The following ZC3H11A variants were observed in gnomAD, a reference collection of about 807,000 sequenced individuals.
ZC3H11A encodes zinc finger CCCH-type containing 11A, also known as zinc finger CCCH domain-containing protein 11A.
In ZC3H11A, 22 loss-of-function variants were observed where a neutral mutation model predicts 90.8. The ratio of observed to expected loss-of-function variants is 0.24; its 90% CI spans 0.17 to 0.35. The LOEUF is 0.35. Among genes scored for constraint, ZC3H11A ranks in the 10% least tolerant of loss-of-function variants. The pLI, the probability that ZC3H11A is intolerant of heterozygous loss-of-function variation, is 1.00. For synonymous variants in ZC3H11A, 294 were observed against 339.8 expected (o/e 0.87, Z 1.48); for missense variants, 701 against 964.9 (o/e 0.73, Z 3.62).
chr1:203,842,164 C>T (rs1686547956), intron 12 of ZC3H11A, among the ~76,000 whole-genome samples: 1 of 151,536 alleles, frequency 6.6e-6, no homozygotes, highest in African/African-American at 2.4e-5. Flanking sequence ...GATGGGCGGC[C>T]AGGCAGAGAC....
chr1:203,824,467 T>G (rs1054743773), intron 4 of ZC3H11A, among the ~76,000 whole-genome samples: 5 of 152,138 alleles, frequency 3.3e-5, no homozygotes, highest in African/African-American at 9.7e-5. Flanking sequence ...TGGTTCCATA[T>G]TTGCGAATTT....
chr1:203,842,924 CTTTT>C (rs35820616), intron 12 of ZC3H11A, among the ~76,000 whole-genome samples: 3 of 146,712 alleles, frequency 2.0e-5, no homozygotes, highest in Admixed American at 6.8e-5. Context: ...AGCCTTCCGT[CTTTT>C]TTTTTTTAAT....
At chr1:203,804,573 A>G (rs538101014) in intron 2 of ZC3H11A, among the ~76,000 whole-genome samples, 1 of 151,768 alleles carries the variant, frequency 6.6e-6, no homozygotes, top group Admixed American at 6.6e-5. Context: ...CTTCTTGTAG[A>G]TCTTACATTT....
At chr1:203,806,109 C>G (rs1169478593) in intron 2 of ZC3H11A, 2 of 496,546 alleles carry the variant, frequency 4.0e-6, no homozygotes, top group Non-Finnish European at 7.9e-6. Flanking sequence ...TTGTAGGACC[C>G]CCTCTCATCT....
At position 203,833,813 on chromosome 1, in the gene ZC3H11A, G is replaced by A. The variant is rs1304583379; in HGVS notation, c.834G>A (p.Leu278=). ...CAGGAGAAGAACCCTTGGTTAGATTGAGTCTTACTGAGAGACTGGGGAAAC... is the reference window on the plus strand; with the variant it reads ...CAGGAGAAGAACCCTTGGTTAGATTAAGTCTTACTGAGAGACTGGGGAAAC... The part of the protein sequence containing the change: ...TKQGEEPLVR[L]SLTERLGKRK... Residue 278 remains leucine, a synonymous_variant, in exon 10 of 18, where the codon TTG becomes TTA. Transcript: ENST00000367210. 1.2e-6 allele frequency: 2 copies of A among 1,609,502 alleles called. No individual in the cohort carries two copies. Among genetic ancestry groups the A allele is most frequent in the Non-Finnish European group, 1.7e-6 (2 of 1,178,410 alleles).
chr1:203,826,258 C>G (rs141925037), intron 4 of ZC3H11A, among the ~76,000 whole-genome samples: 5 of 151,882 alleles, frequency 3.3e-5, no homozygotes, highest in African/African-American at 1.2e-4. Context: ...TTTTACTGCT[C>G]CTTGTGGAGC....
intron 1 of ZC3H11A, chr1:203,798,786 A>T (rs1384675545): frequency 3.3e-6 from 5 of 1,536,164 alleles, no homozygotes; most frequent in Non-Finnish European, 3.5e-6. Context: ...TGTGGAGGAT[A>T]TGCATCCTTA....
chr1:203,832,365 A>T lies in ZC3H11A; in HGVS notation c.811+594A>T, dbSNP rs1558126808. 4.9e-5 allele frequency among the ~76,000 whole-genome samples: 7 copies of T among 143,500 alleles called. No individual in the cohort carries two copies. The South Asian group carries it at 1.3e-3, about 27-fold the overall frequency. 94.1% of individuals were successfully genotyped at this position (143,500 alleles called of 152,430 possible). A position where few individuals can be genotyped will look rare whatever the true frequency, so the allele number is the denominator to read the frequency against. ...TGTGAGCCACCGTTCTTGGCCATTAATTTTTTTTTTTTTTAGATGGAGTCT... is the reference window on the plus strand; with the variant it reads ...TGTGAGCCACCGTTCTTGGCCATTATTTTTTTTTTTTTTTAGATGGAGTCT... On this transcript the variant is annotated intron_variant, in intron 9 of 17. Coordinates refer to ENST00000367210, the MANE Select transcript of ZC3H11A (RefSeq NM_001376342.1).
chr1:203,840,897 A>T (rs1264892215), intron 12 of ZC3H11A, among the ~76,000 whole-genome samples: 3 of 152,088 alleles, frequency 2.0e-5, no homozygotes, highest in Non-Finnish European at 4.4e-5. Flanking sequence ...GCCTCCCAAA[A>T]TCCTGGGATT....
Position 203,798,139 on chromosome 1 carries a change from C to T in ZC3H11A, c.-1588+2345C>T. On this transcript the variant is annotated intron_variant, in intron 1 of 17. Coordinates refer to ENST00000367210, the MANE Select transcript of ZC3H11A (RefSeq NM_001376342.1). ...GACTTTACCTTGGATGTGTCTTTAT[C>T]TCCCTCTTCTGGAAGCAATGGAAGC... is the stretch of plus-strand genomic sequence containing the variant. The T allele has an allele frequency of 2.0e-6, 3 of 1,536,150 alleles. No individual in the cohort carries two copies. The South Asian group carries it at 3.6e-5, about 18-fold the overall frequency.
chr1:203,851,343 T>C (rs1689208329), intron 17 of ZC3H11A, among the ~76,000 whole-genome samples: 1 of 152,226 alleles, frequency 6.6e-6, no homozygotes, highest in South Asian at 2.1e-4. Context: ...TTTGTTTTTT[T>C]GTTTGAGGCA....
At chr1:203,851,996 G>T (rs567500408) in intron 17 of ZC3H11A, 145 bp from the exon 18 acceptor site, 201 of 175,206 alleles carry the variant, frequency 1.1e-3, no homozygotes, top group Non-Finnish European at 1.8e-3. Context: ...AAAAAAAAAA[G>T]CTTGATCCCA....
At chr1:203,831,562 T>C in intron 8 of ZC3H11A, 99 bp from the exon 9 acceptor site, 1 of 884,478 alleles carries the variant, frequency 1.1e-6, no homozygotes, top group East Asian at 2.6e-5. Context: ...ATAATATCAG[T>C]CTGTATTGGA....
chr1:203,840,822 C>T (rs1339639644), intron 12 of ZC3H11A, among the ~76,000 whole-genome samples: 1 of 151,574 alleles, frequency 6.6e-6, no homozygotes, highest in Non-Finnish European at 1.5e-5. Flanking sequence ...TTAGTAGAGA[C>T]GGGGTTTCAC....
chr1:203,824,272 A>AT (rs1553264815), intron 4 of ZC3H11A, among the ~76,000 whole-genome samples: 4 of 67,456 alleles, frequency 5.9e-5, no homozygotes, highest in Admixed American at 5.0e-4. Context: ...CCATCTCAAA[A>AT]TTAAAAAAAA....
At chr1:203,849,679 A>G (rs1688801837) in intron 14 of ZC3H11A, 32 bp from the exon 15 acceptor site, 1 of 1,607,846 alleles carries the variant, frequency 6.2e-7, no homozygotes, top group East Asian at 2.2e-5. Context: ...GAGGTACCAG[A>G]TTTTAATTCT....
At chr1:203,797,906 T>C (rs1366683630) in intron 1 of ZC3H11A, 1 of 1,536,124 alleles carries the variant, frequency 6.5e-7, no homozygotes, top group Non-Finnish European at 8.7e-7. Flanking sequence ...TACCTAGTAC[T>C]AGAGCCAAGA....
rs562106453 is a variant in ZC3H11A at position 203,838,029 on chromosome 1, C to T, written c.938C>T (p.Ala313Val). 11 of 1,614,076 alleles carry T rather than the reference C, an allele frequency of 6.8e-6. No homozygotes were observed. Among genetic ancestry groups the T allele is most frequent in the Non-Finnish European group, 9.3e-6 (11 of 1,180,028 alleles). Residue 313 changes from alanine (A) to valine (V), a missense_variant, in exon 11 of 18, where the codon GCT becomes GTT. Around this residue, in one of 4 missense-constraint regions of ZC3H11A, gnomAD observed 530 missense variants for 696.2 expected, o/e 0.76. Coordinates refer to ENST00000367210, the MANE Select transcript of ZC3H11A (RefSeq NM_001376342.1). ...CAGAGGCTAGGGAAGAAAGTTGAAG[C>T]TCCAGAAACTAACATTGACAAAACA... ...LAQRLGKKVE[A>V]PETNIDKTPK...
rs768339599 is a variant in ZC3H11A, at chr1:203,840,286, GA to G, written c.974-16del. 144 of 1,607,618 alleles carry G rather than the reference GA, an allele frequency of 9.0e-5. 1 individual carries two copies. The highest frequency in any genetic ancestry group is 1.6e-5 in the Non-Finnish European group (19 of 1,176,766). ...AGTTTCTGTTCAACTTTTGATTTTT[GA>G]AAATCTTTCTTTTCACAGCTCAAGT... On this transcript the variant is annotated intron_variant, in intron 11 of 17. Coordinates refer to ENST00000367210, the MANE Select transcript of ZC3H11A (RefSeq NM_001376342.1).
Sources: gnomAD v4.1 joint callset for allele counts (sites outside exome capture counted in the v4.1 genomes callset) on GRCh38, gnomAD v4.1.1 for gene constraint, gnomAD v4.1.1 regional missense constraint, MANE v1.5 for transcripts, NCBI Gene and HGNC (gene_info 2026-07-23, HGNC 2026-07-21) for gene names.